The following FNDC3A variants were observed in gnomAD, a reference collection of about 807,000 sequenced individuals.
FNDC3A encodes fibronectin type III domain containing 3A, also known as fibronectin type-III domain-containing protein 3A.
A neutral mutation model predicts 148.9 loss-of-function variants in FNDC3A; 32 were observed. That is an observed-to-expected ratio of 0.21 (90% CI 0.16 to 0.29). The LOEUF (loss-of-function observed/expected upper bound fraction) is 0.29. Among genes scored for constraint, FNDC3A ranks in the 10% least tolerant of loss-of-function variants. The probability of loss-of-function intolerance (pLI) is 1.00; values close to 1 mark genes in which losing one functional copy is unlikely to be tolerated. For missense variants in FNDC3A, 1,191 were observed against 1,452.8 expected, an observed-to-expected ratio of 0.82 and a Z score of 2.93; for synonymous variants, 472 against 473.6, an observed-to-expected ratio of 1.00 and a Z score of 0.04.
intron 2 of FNDC3A, among the ~76,000 whole-genome samples, chr13:49,018,817 A>C (rs1873044784): frequency 6.6e-6 from 1 of 152,170 alleles, no homozygotes. Context: ...TTTTCCTTCT[A>C]ACAGACAGGA....
chr13:49,190,249 G>C (rs924883399), intron 17 of FNDC3A, among the ~76,000 whole-genome samples: 1 of 152,112 alleles, frequency 6.6e-6, no homozygotes, highest in African/African-American at 2.4e-5. Flanking sequence ...TATAAATATA[G>C]CATAGAAACT....
Position 49,145,950 on chromosome 13 carries a change from T to C in FNDC3A, c.977+15T>C, listed in dbSNP as rs1274313261. On this transcript the variant is annotated intron_variant, in intron 8 of 25. Transcript: ENST00000492622. ...AGTGTATATGTGTAGGTATTTGTTG[T>C]TTTGCTTTCTCCCATTGTGTAAATT... 1 of 1,589,042 alleles carries C rather than the reference T, an allele frequency of 6.3e-7. No homozygotes were observed. Among genetic ancestry groups the C allele is most frequent in the Non-Finnish European group, 8.6e-7 (1 of 1,166,884 alleles).
intron 3 of FNDC3A, among the ~76,000 whole-genome samples, chr13:49,110,940 C>T (rs1436681071): frequency 6.6e-6 from 1 of 152,180 alleles, no homozygotes; most frequent in Non-Finnish European, 1.5e-5. Flanking sequence ...GAATTGTTTA[C>T]TCTTCTGCAG....
In FNDC3A at chr13:49,198,042, T is replaced by G. The variant is rs754936983; in HGVS notation, c.2551T>G (p.Ser851Ala). The change falls in exon 22 of 26, where the codon TCA becomes GCA. Residue 851 changes from serine (S) to alanine (A), a missense_variant. Coordinates refer to ENST00000492622, the MANE Select transcript of FNDC3A (RefSeq NM_001079673.2). ...AGTAGTAGCCTGTGTGACTCCACCA[T>G]CAGTTCCTGGCATTGTGACCTGTCT... ...SEVVACVTPP[S>A]VPGIVTCLQE... 1.2e-5 allele frequency: 20 copies of G among 1,614,140 alleles called. No homozygotes were observed. The highest frequency in any genetic ancestry group is 1.7e-5 in the Non-Finnish European group (20 of 1,179,990).
chr13:49,093,581 A>G (rs552103539), intron 3 of FNDC3A, among the ~76,000 whole-genome samples: 2 of 152,260 alleles, frequency 1.3e-5, no homozygotes, highest in African/African-American at 4.8e-5. Context: ...CAGTTACTGA[A>G]TGACTCAGCT....
intron 23 of FNDC3A, among the ~76,000 whole-genome samples, chr13:49,200,757 A>G (rs1886384520): frequency 6.6e-6 from 1 of 152,136 alleles, no homozygotes; most frequent in South Asian, 2.1e-4. Context: ...ACCTTTTATG[A>G]TACTGTTAAG....
intron 8 of FNDC3A, among the ~76,000 whole-genome samples, chr13:49,163,856 T>C (rs1037072694): frequency 6.6e-6 from 1 of 152,236 alleles, no homozygotes; most frequent in Admixed American, 6.5e-5. Context: ...TTAATTGATA[T>C]CTGGTTGTTT....
chr13:49,185,198 A>G (rs1342493782), intron 14 of FNDC3A, among the ~76,000 whole-genome samples: 1 of 152,224 alleles, frequency 6.6e-6, no homozygotes, highest in African/African-American at 2.4e-5. Context: ...TTTCTATAAT[A>G]GAAAAATACC....
At chr13:49,196,478 G>A (rs1886160359) in intron 19 of FNDC3A, among the ~76,000 whole-genome samples, 1 of 152,130 alleles carries the variant, frequency 6.6e-6, no homozygotes, top group Non-Finnish European at 1.5e-5. Flanking sequence ...ATATGCCTAA[G>A]AAAGATTCGT....
chr13:49,093,727 A>G (rs1014698623), intron 3 of FNDC3A, among the ~76,000 whole-genome samples: 7 of 152,156 alleles, frequency 4.6e-5, no homozygotes, highest in African/African-American at 1.7e-4. Context: ...CAAACCATGT[A>G]CTTGCTTCCT....
intron 4 of FNDC3A, among the ~76,000 whole-genome samples, chr13:49,129,733 T>G (rs1881916664): frequency 6.6e-6 from 1 of 152,174 alleles, no homozygotes; most frequent in Middle Eastern, 3.2e-3. Context: ...ACCCAGCATA[T>G]TAAAAACAGT....
chr13:49,030,948 C>T (rs1454406518), intron 2 of FNDC3A, among the ~76,000 whole-genome samples: 13 of 152,144 alleles, frequency 8.5e-5, no homozygotes, highest in South Asian at 2.1e-4. Flanking sequence ...ATATCCAATA[C>T]GTTGCCTCCC....
chr13:48,976,639 G>A (rs1951607202), intron 1 of FNDC3A: 1 of 152,356 alleles, frequency 6.6e-6, no homozygotes, highest in Non-Finnish European at 1.5e-5. Flanking sequence ...GGATCGCCCA[G>A]CACCCGCGGC....
chr13:49,060,955 C>A (rs376159806), intron 2 of FNDC3A, among the ~76,000 whole-genome samples: 1 of 152,006 alleles, frequency 6.6e-6, no homozygotes, highest in Non-Finnish European at 1.5e-5. Context: ...TACCAAATGC[C>A]ACTGAAGGTT....
At chr13:49,193,273 CTT>C in intron 19 of FNDC3A, among the ~76,000 whole-genome samples, 1 of 151,356 alleles carries the variant, frequency 6.6e-6, no homozygotes, top group East Asian at 1.9e-4. Context: ...GATAGACAGA[CTT>C]TTTTTTTGAG....
chr13:49,079,283 A>G (rs982352583), intron 3 of FNDC3A, among the ~76,000 whole-genome samples: 1 of 152,226 alleles, frequency 6.6e-6, no homozygotes, highest in African/African-American at 2.4e-5. Context: ...CATTCAAACA[A>G]AATCTGAAAA....
At chr13:49,062,800 G>T (rs1876989348) in intron 2 of FNDC3A, among the ~76,000 whole-genome samples, 2 of 152,256 alleles carry the variant, frequency 1.3e-5, no homozygotes, top group East Asian at 1.9e-4. Context: ...GGAACTCCTT[G>T]ATGCCTTGGA....
chr13:49,110,221 G>A lies in FNDC3A; in HGVS notation c.176-4434G>A, dbSNP rs1401969239. 1.4e-5 allele frequency: 9 copies of A among 640,358 alleles called. No homozygotes were observed. The East Asian group carries it at 1.7e-4, about 12-fold the overall frequency. The allele number at this position is 640,358 out of a possible 1,614,324, so 39.7% of individuals were successfully genotyped here. A position where few individuals can be genotyped will look rare whatever the true frequency, so the allele number is the denominator to read the frequency against. On this transcript the variant is annotated intron_variant, in intron 3 of 25. Coordinates refer to ENST00000492622, the MANE Select transcript of FNDC3A (RefSeq NM_001079673.2). ...GAACGTTTGCTTTTTTTTCCCCCTT[G>A]CCCTTTCCTGGGTCACTGCAGGTCA... is the stretch of plus-strand genomic sequence containing the variant.
At chr13:49,153,893 C>G (rs1338911438) in intron 8 of FNDC3A, among the ~76,000 whole-genome samples, 1 of 125,878 alleles carries the variant, frequency 7.9e-6, no homozygotes, top group Admixed American at 8.7e-5. Flanking sequence ...TGTTTTGGTA[C>G]CAGTACCATG....
Sources: gnomAD v4.1 joint callset for allele counts (sites outside exome capture counted in the v4.1 genomes callset) on GRCh38, gnomAD v4.1.1 for gene constraint, MANE v1.5 for transcripts, NCBI Gene and HGNC (gene_info 2026-07-23, HGNC 2026-07-21) for gene names.